EOGT: variants seen among roughly 807,000 people sequenced by gnomAD.
EOGT encodes EGF domain specific O-linked N-acetylglucosamine transferase.
Under a neutral mutation model 70.5 loss-of-function variants are expected in EOGT, and 55 were observed. The ratio of observed to expected loss-of-function variants is 0.78; its 90% CI spans 0.63 to 0.98. EOGT has a LOEUF of 0.98. EOGT is among the 50% of genes least tolerant of loss of function. The pLI, the probability that EOGT is intolerant of heterozygous loss-of-function variation, is 0.00. For missense variants in EOGT, 703 were observed against 641.9 expected (o/e 1.10, Z -1.03); for synonymous variants, 246 against 217.1 (o/e 1.13, Z -1.17).
In EOGT at chr3:68,987,563, T is replaced by G; in HGVS notation, c.1084-50A>C. 2.2e-6 allele frequency: 3 copies of G among 1,342,380 alleles called. No individual in the cohort carries two copies. In the South Asian group the frequency reaches 3.7e-5, roughly 16 times the overall value. 83.2% of individuals were successfully genotyped at this position (1,342,380 alleles called of 1,614,324 possible). A position where few individuals can be genotyped will look rare whatever the true frequency, so the allele number is the denominator to read the frequency against. The stretch of plus-strand genomic sequence containing the variant: ...ATAACACTGCATATGCCTGGGTAGA[T>G]GAATGAACATCTGAACCCAAAATGT... On this transcript the variant is annotated intron_variant, in intron 13 of 17. Transcript: ENST00000383701.
rs1221775177 is a variant in EOGT, at chr3:68,976,108, G to A, written c.*1510C>T. 1.3e-5 allele frequency: 2 copies of A among 152,120 alleles called. No individual in the cohort carries two copies. Among genetic ancestry groups the A allele is most frequent in the African/African-American group, 2.4e-5 (1 of 41,430 alleles). The allele number at this position is 152,120 out of a possible 1,614,324, so 9.4% of individuals were successfully genotyped here. On this transcript the variant is annotated 3_prime_UTR_variant, in exon 18 of 18. Transcript: ENST00000383701. ...AGAAATGAATCCCACTCAAAGAGTGGGGCTACATTCCAGATATTCTTTTTA... is the reference window on the plus strand; with the variant it reads ...AGAAATGAATCCCACTCAAAGAGTGAGGCTACATTCCAGATATTCTTTTTA...
chr3:68,989,361 G>A (rs778450420), intron 10 of EOGT, among the ~76,000 whole-genome samples: 8 of 152,008 alleles, frequency 5.3e-5, no homozygotes, highest in Non-Finnish European at 8.8e-5. Flanking sequence ...CTATGCCACC[G>A]TTTACACACA....
At chr3:68,990,752 C>G (rs371300638) in intron 10 of EOGT, among the ~76,000 whole-genome samples, 1 of 152,104 alleles carries the variant, frequency 6.6e-6, no homozygotes, top group Non-Finnish European at 1.5e-5. Flanking sequence ...CAATAGAAAT[C>G]AGAAATATGC....
chr3:69,007,310 C>G (rs2091460612), intron 6 of EOGT, among the ~76,000 whole-genome samples: 1 of 152,028 alleles, frequency 6.6e-6, no homozygotes, highest in Non-Finnish European at 1.5e-5. Context: ...CTTGTTTTTA[C>G]ATTACAAGCT....
intron 15 of EOGT, among the ~76,000 whole-genome samples, chr3:68,981,585 TTACCAGGAAGATGTA>T (rs2090641306): frequency 2.6e-5 from 4 of 152,228 alleles, no homozygotes. Flanking sequence ...TGTACTACTT[TTACCAGGAAGATGTA>T]ATTCTAGCAA....
chr3:69,001,210 G>A (rs966557447), intron 9 of EOGT, among the ~76,000 whole-genome samples: 1 of 151,766 alleles, frequency 6.6e-6, no homozygotes, highest in Admixed American at 6.6e-5. Context: ...TGCCTGCCTC[G>A]GCCTCCCACA....
At chr3:69,011,157 C>T (rs1000510571) in intron 3 of EOGT, among the ~76,000 whole-genome samples, 1 of 148,934 alleles carries the variant, frequency 6.7e-6, no homozygotes, top group Non-Finnish European at 1.5e-5. Context: ...GACAATGATC[C>T]TGCCATTCTC....
chr3:69,004,623 T>C (rs904336000), intron 7 of EOGT, 141 bp from the exon 8 acceptor site: 1 of 638,464 alleles, frequency 1.6e-6, no homozygotes, highest in Non-Finnish European at 2.7e-6. Context: ...AAATTTCAAG[T>C]GTATATGAAA....
intron 14 of EOGT, 53 bp downstream of exon 14, chr3:68,987,392 T>A: frequency 2.4e-6 from 3 of 1,232,974 alleles, no homozygotes; most frequent in East Asian, 2.4e-5. Context: ...AAAAACACAA[T>A]TTGCTCTATG....
intron 9 of EOGT, among the ~76,000 whole-genome samples, chr3:68,998,510 T>C (rs2091214150): frequency 6.6e-6 from 1 of 152,228 alleles, no homozygotes. Context: ...GGTGGGGTCT[T>C]GCTATGGTGG....
chr3:68,989,082 G>T, intron 10 of EOGT, 65 bp from the exon 11 acceptor site: 2 of 879,270 alleles, frequency 2.3e-6, no homozygotes, highest in Non-Finnish European at 3.4e-6. Context: ...TTTCAAAGAT[G>T]CAACAAAATA....
At chr3:68,981,783 T>C (rs1294677445) in intron 15 of EOGT, among the ~76,000 whole-genome samples, 1 of 152,216 alleles carries the variant, frequency 6.6e-6, no homozygotes, top group Non-Finnish European at 1.5e-5. Context: ...TGTTGAAATC[T>C]GGCAGGAGGC....
intron 15 of EOGT, among the ~76,000 whole-genome samples, chr3:68,982,157 T>A (rs943201843): frequency 2.6e-5 from 4 of 152,122 alleles, no homozygotes; most frequent in African/African-American, 9.7e-5. Context: ...AATCCACCCA[T>A]CTCAGTCTCC....
chr3:68,993,507 G>A (rs938507214), intron 10 of EOGT, among the ~76,000 whole-genome samples: 2 of 152,092 alleles, frequency 1.3e-5, no homozygotes, highest in Non-Finnish European at 2.9e-5. Context: ...AGCATTTTGG[G>A]CAAAGCTATT....
chr3:69,005,548 T>G (rs2091418349), intron 6 of EOGT, among the ~76,000 whole-genome samples: 2 of 152,010 alleles, frequency 1.3e-5, no homozygotes, highest in Non-Finnish European at 2.9e-5. Flanking sequence ...AAAAAAAAAG[T>G]ACCCAGATCC....
intron 8 of EOGT, among the ~76,000 whole-genome samples, chr3:69,003,677 A>G (rs943352396): frequency 3.3e-5 from 5 of 152,314 alleles, no homozygotes; most frequent in African/African-American, 1.2e-4. Context: ...TTTTAAATTC[A>G]AAAAGCTGGC....
At chr3:68,982,114 G>A (rs1199298971) in intron 15 of EOGT, among the ~76,000 whole-genome samples, 1 of 152,094 alleles carries the variant, frequency 6.6e-6, no homozygotes, top group African/African-American at 2.4e-5. Flanking sequence ...GCACCATGTT[G>A]TCCAGGTTGG....
chr3:68,988,731 T>C (rs2090891903), intron 11 of EOGT, 154 bp from the exon 12 acceptor site: 1 of 646,676 alleles, frequency 1.5e-6, no homozygotes, highest in African/African-American at 1.8e-5. Flanking sequence ...ATTCATATTT[T>C]TGGAAAGATT....
rs1316902265 is a variant in EOGT at position 69,005,194 on chromosome 3, C to T, written c.461G>A (p.Cys154Tyr). ...SLVCSRYLQY[C>Y]RATNLYLDLR... Reference sequence around the variant, plus strand: ...ATCAAGATAGAGATTGGTTGCTCTGCAGTACTGAAGATAACGGGAACACAC... The same window carrying T: ...ATCAAGATAGAGATTGGTTGCTCTGTAGTACTGAAGATAACGGGAACACAC... Residue 154 changes from cysteine (C) to tyrosine (Y), a missense_variant, in exon 7 of 18, where the codon TGC (cysteine) becomes TAC (tyrosine). Transcript: ENST00000383701. 1 of 1,606,306 alleles carries T rather than the reference C, an allele frequency of 6.2e-7. No homozygotes were observed. Among genetic ancestry groups the T allele is most frequent in the Non-Finnish European group, 8.5e-7 (1 of 1,173,810 alleles).
Sources: allele counts gnomAD v4.1 joint callset (sites outside exome capture counted in the v4.1 genomes callset), GRCh38; gene constraint gnomAD v4.1.1; transcripts MANE v1.5; gene names NCBI Gene and HGNC (gene_info 2026-07-23, HGNC 2026-07-21).